The following PRX variants were observed in gnomAD, a reference collection of about 807,000 sequenced individuals.
PRX encodes the protein periaxin.
Under a neutral mutation model 29.6 loss-of-function variants are expected in PRX, and 24 were observed. That is an observed-to-expected ratio of 0.81 (90% confidence interval 0.59 to 1.14). The LOEUF (loss-of-function observed/expected upper bound fraction) is 1.14, where lower values mean the gene tolerates loss of function less well. Among genes scored for constraint, PRX ranks in the 50% most tolerant of loss-of-function variants. The probability of loss-of-function intolerance (pLI) is 0.00; values close to 1 mark genes in which losing one functional copy is unlikely to be tolerated. For synonymous variants in PRX, 772 were observed against 831.7 expected, an observed-to-expected ratio of 0.93 and a Z score of 1.24; for missense variants, 1,838 against 1,926.4, an observed-to-expected ratio of 0.95 and a Z score of 0.86.
Position 40,395,904 on chromosome 19 carries a change from T to C in PRX, c.2448A>G (p.Ser816=), listed in dbSNP as rs139765804. 39 of 1,614,182 alleles carry C rather than the reference T, an allele frequency of 2.4e-5. No homozygotes were observed. The African/African-American group carries it at 3.5e-4, about 14-fold the overall frequency. Residue 816 remains serine, a synonymous_variant, in exon 7 of 7, where the codon TCA becomes TCG. Coordinates refer to ENST00000324001, the MANE Select transcript of PRX (RefSeq NM_181882.3). ...MPKLGRAESP[S]RGKPGEAGAE... ...CACCCGCCTCGCCTGGCTTGCCACG[T>C]GATGGGGACTCTGCCCTCCCTAGCT...
At chr19:40,410,391 T>C (rs2079553125) in intron 1 of PRX, among the ~76,000 whole-genome samples, 1 of 152,176 alleles carries the variant, frequency 6.6e-6, no homozygotes, top group South Asian at 2.1e-4. Flanking sequence ...TGGCCTTTCA[T>C]AGCCCATCAG....
At chr19:40,412,025 C>T (rs1398206068) in intron 1 of PRX, among the ~76,000 whole-genome samples, 2 of 152,238 alleles carry the variant, frequency 1.3e-5, no homozygotes, top group Admixed American at 6.5e-5. Flanking sequence ...TCAGATGCGA[C>T]TTATGCCCTT....
intron 5 of PRX, among the ~76,000 whole-genome samples, chr19:40,399,880 T>TTTCTTTCTTTCC: frequency 2.8e-5 from 2 of 70,594 alleles, no homozygotes; most frequent in South Asian, 8.1e-4. Flanking sequence ...TCTTTCTTTC[T>TTTCTTTCTTTCC]TTCTTTCTTT....
In PRX at chr19:40,394,272, TTCC is replaced by T. The variant is rs139624657; in HGVS notation, c.4077_4079del (p.Glu1361del). 24,248 of 1,368,446 alleles carry T rather than the reference TTCC, an allele frequency of 0.018. 726 individuals are homozygous for T. The Admixed American group carries it at 0.21, about 12-fold the overall frequency. 84.8% of individuals were successfully genotyped at this position (1,368,446 alleles called of 1,614,324 possible). A position where few individuals can be genotyped will look rare whatever the true frequency, so the allele number is the denominator to read the frequency against. ...CCGAGGCCCCTTCCCCACTGCCCTC[TTCC>T]TCCTCCTCCTCCTCCTCCTCGGGGC... On this transcript the variant is annotated inframe_deletion, in exon 7 of 7. Transcript: ENST00000324001. The surrounding 1 kb of genome is among the most constrained non-coding windows in gnomAD (Gnocchi z 5.8).
Position 40,397,378 on chromosome 19 carries a change from G to T in PRX, c.974C>A (p.Thr325Asn). 6.2e-7 allele frequency: 1 copy of T among 1,612,854 alleles called. No homozygotes were observed. Among genetic ancestry groups the T allele is most frequent in the South Asian group, 1.1e-5 (1 of 91,072 alleles). Residue 325 changes from threonine (T) to asparagine (N), a missense_variant, in exon 7 of 7, where the codon ACC becomes AAC. By Grantham distance (65) the Thr-to-Asn change is moderately conservative. This residue lies in a region of PRX where 666 missense variants were observed against 665.0 expected (regional missense o/e 1.00). Coordinates refer to ENST00000324001, the MANE Select transcript of PRX (RefSeq NM_181882.3). ...CACAGTCGGTGCTGCCACATCCAGG[G>T]TGGGCACCACTACCGACACAGCCCC... Reference protein sequence around the residue: ...REGAVSVVVPTLDVAAPTVGV... With the variant: ...REGAVSVVVPNLDVAAPTVGV...
Position 40,398,712 on chromosome 19 carries a change from T to G in PRX, c.289A>C (p.Lys97Gln). Residue 97 changes from lysine (K) to glutamine (Q), a missense_variant, in exon 6 of 7, where the codon AAG becomes CAG. By Grantham distance (53) the Lys-to-Gln change is moderately conservative. Coordinates refer to ENST00000324001, the MANE Select transcript of PRX (RefSeq NM_181882.3). This position sits in a 1 kb window ranked among gnomAD's most constrained non-coding sequence, Gnocchi z 6.3. ...AEPYKVSFCL[K>Q]RTVPTGDLAL... Reference sequence around the variant, plus strand: ...AGGTCCCCGGTGGGCACAGTGCGCTTCAGGCAGAAGGAGACTTTGTAAGGC... The same window carrying G: ...AGGTCCCCGGTGGGCACAGTGCGCTGCAGGCAGAAGGAGACTTTGTAAGGC... 6.2e-7 allele frequency: 1 copy of G among 1,614,044 alleles called. No homozygotes were observed. The highest frequency in any genetic ancestry group is 8.5e-7 in the Non-Finnish European group (1 of 1,179,962).
chr19:40,410,785 C>T (rs748120216), intron 1 of PRX, among the ~76,000 whole-genome samples: 17 of 152,150 alleles, frequency 1.1e-4, no homozygotes, highest in Admixed American at 4.6e-4. Flanking sequence ...GCAGGAGAAT[C>T]GCTTCAGCCT....
At position 40,394,791 on chromosome 19, in the gene PRX, CACCTGA is replaced by C. The variant is rs759730843; in HGVS notation, c.3555_3560del (p.Gln1186_Val1187del). 6.2e-7 allele frequency: 1 copy of C among 1,613,646 alleles called. No homozygotes were observed. Among genetic ancestry groups the C allele is most frequent in the East Asian group, 2.2e-5 (1 of 44,884 alleles). On this transcript the variant is annotated inframe_deletion, in exon 7 of 7. Transcript: ENST00000324001. The surrounding 1 kb of genome is among the most constrained non-coding windows in gnomAD (Gnocchi z 5.8). ...CAGGCAGAGACAGGGTCACCTGGGG[CACCTGA>C]ACCCTGTAGCCTGCTGTGCCCTCTG...
intron 5 of PRX, among the ~76,000 whole-genome samples, chr19:40,399,909 C>T (rs113982915): frequency 0.017 from 1,625 of 96,818 alleles, 16 homozygotes; most frequent in South Asian, 0.034. Context: ...CTTTCTTTTT[C>T]TTTCTTTCTT....
In PRX at chr19:40,398,280, C is replaced by T. The variant is rs2079461699; in HGVS notation, c.382-310G>A. ...GGAAACTGAGGCCCAGGGAGAGAAA[C>T]AACTTTGTCCAGGGCCACTCAGCAG... On this transcript the variant is annotated intron_variant, in intron 6 of 6. Coordinates refer to ENST00000324001, the MANE Select transcript of PRX (RefSeq NM_181882.3). This position sits in a 1 kb window ranked among gnomAD's most constrained non-coding sequence, Gnocchi z 6.3. 1.3e-5 allele frequency: 19 copies of T among 1,414,832 alleles called. No individual in the cohort carries two copies. In the South Asian group the frequency reaches 3.0e-4, roughly 23 times the overall value. 87.6% of individuals were successfully genotyped at this position (1,414,832 alleles called of 1,614,324 possible).
At chr19:40,407,821 G>T in intron 4 of PRX, 85 bp downstream of exon 4, 1 of 1,572,114 alleles carries the variant, frequency 6.4e-7, no homozygotes, top group Admixed American at 1.7e-5. Flanking sequence ...GAGGCACAGA[G>T]AGGCCAGAAA....
In PRX at chr19:40,395,497, C is replaced by A. The variant is rs2079424732; in HGVS notation, c.2855G>T (p.Gly952Val). Residue 952 changes from glycine to valine, a missense_variant, in exon 7 of 7, where the codon GGG becomes GTG. This residue lies in a region of PRX where 1,143 missense variants were observed against 1,193.0 expected (regional missense o/e 0.96). Coordinates refer to ENST00000324001, the MANE Select transcript of PRX (RefSeq NM_181882.3). Reference sequence around the variant, plus strand: ...GGATACCTTCAGCTTGGTAGCTCGCCCAGCCCCCTCAGCCTCTGCCTTAGC... The same window carrying A: ...GGATACCTTCAGCTTGGTAGCTCGCACAGCCCCCTCAGCCTCTGCCTTAGC... ...KVAKAEAEGA[G>V]RATKLKVSKF... The A allele has an allele frequency of 2.5e-6, 4 of 1,614,008 alleles. No homozygotes were observed. In the East Asian group the frequency reaches 8.9e-5, roughly 36 times the overall value.
intron 4 of PRX, among the ~76,000 whole-genome samples, chr19:40,404,714 GCACGCGCCAC>G (rs1223543186): frequency 6.6e-6 from 1 of 151,962 alleles, no homozygotes; most frequent in Admixed American, 6.6e-5. Context: ...GGGAACATAG[GCACGCGCCAC>G]CACGCCCAGC....
Position 40,398,643 on chromosome 19 carries a change from G to T in PRX, c.358C>A (p.Pro120Thr), listed in dbSNP as rs762808329. ...GTVSGYEIKG[P>T]RAKVAKLNIQ... is the part of the protein sequence containing the mutation. The stretch of plus-strand genomic sequence containing the variant: ...ACCAGCTTGGCCACCTTGGCCCGCG[G>T]GCCCTTGATCTCGTAGCCAGACACG... The change falls in exon 6 of 7, where the codon CCG becomes ACG. Residue 120 changes from proline to threonine, a missense_variant. Pro to Thr is a conservative substitution (Grantham distance 38). Transcript: ENST00000324001. This position sits in a 1 kb window ranked among gnomAD's most constrained non-coding sequence, Gnocchi z 6.3. 18 of 1,613,658 alleles carry T rather than the reference G, an allele frequency of 1.1e-5. No homozygotes were observed. Among genetic ancestry groups the T allele is most frequent in the Non-Finnish European group, 1.4e-5 (16 of 1,179,890 alleles).
chr19:40,401,957 T>C (rs2079497482), intron 5 of PRX, among the ~76,000 whole-genome samples: 1 of 152,128 alleles, frequency 6.6e-6, no homozygotes, highest in South Asian at 2.1e-4. Flanking sequence ...TTTCGCCATA[T>C]TGGCCAGGCT....
In PRX at chr19:40,394,956, C is replaced by G. The variant is rs2145726564; in HGVS notation, c.3396G>C (p.Gly1132=). The G allele has an allele frequency of 1.2e-6, 2 of 1,609,084 alleles. No individual in the cohort carries two copies. The highest frequency in any genetic ancestry group is 1.7e-6 in the Non-Finnish European group (2 of 1,179,240). The change falls in exon 7 of 7, where the codon GGG becomes GGC. Residue 1132 remains glycine (G), a synonymous_variant. Transcript: ENST00000324001. The surrounding 1 kb of genome is among the most constrained non-coding windows in gnomAD (Gnocchi z 5.8). ...QLSGLKVSTA[G]QVVTEGHDAG... ...CGTCATGGCCCTCAGTGACCACCTG[C>G]CCGGCTGTGGACACCTTCAGGCCTG...
intron 4 of PRX, 39 bp downstream of exon 4, chr19:40,407,864 CATT>C: frequency 1.2e-6 from 2 of 1,611,632 alleles, no homozygotes; most frequent in Non-Finnish European, 1.7e-6. Context: ...TGTGCCTCCC[CATT>C]GCCCTCAAGT....
At position 40,396,367 on chromosome 19, in the gene PRX, A is replaced by C; in HGVS notation, c.1985T>G (p.Val662Gly). 2 of 1,611,800 alleles carry C rather than the reference A, an allele frequency of 1.2e-6. No individual in the cohort carries two copies. Among genetic ancestry groups the C allele is most frequent in the Non-Finnish European group, 1.7e-6 (2 of 1,179,718 alleles). ...VHLPEVQLPK[V>G]PEMKLPKMPE... ...CATTTTAGGGAGTTTCATCTCTGGG[A>C]CTTTCGGGAGCTGCACTTCCGGGAG... is the stretch of plus-strand genomic sequence containing the variant. The change falls in exon 7 of 7, where the codon GTC becomes GGC. Residue 662 changes from valine to glycine, a missense_variant. Coordinates refer to ENST00000324001, the MANE Select transcript of PRX (RefSeq NM_181882.3).
intron 1 of PRX, among the ~76,000 whole-genome samples, chr19:40,410,087 T>C (rs2079551623): frequency 6.6e-6 from 1 of 152,136 alleles, no homozygotes; most frequent in Non-Finnish European, 1.5e-5. Flanking sequence ...AAAACCCCAT[T>C]TCCTGAGAGG....
Sources: allele counts gnomAD v4.1 joint callset (sites outside exome capture counted in the v4.1 genomes callset), GRCh38; gene constraint gnomAD v4.1.1; regional missense constraint gnomAD v4.1.1; non-coding constraint Gnocchi (gnomAD v3.1); transcripts MANE v1.5; gene names NCBI Gene and HGNC (gene_info 2026-07-23, HGNC 2026-07-21).